The following RALGPS1 variants were observed in gnomAD, a reference collection of about 807,000 sequenced individuals.
RALGPS1 encodes ras-specific guanine nucleotide-releasing factor RalGPS1.
RALGPS1 carries 19 observed loss-of-function variants against 78.8 expected under a neutral mutation model. That is an observed-to-expected ratio of 0.24 (90% CI 0.17 to 0.35). The LOEUF is 0.35. Ranked by LOEUF, RALGPS1 falls within the 10% of genes least tolerant of loss-of-function variation. RALGPS1 has a pLI of 1.00. For synonymous variants in RALGPS1, 228 were observed against 256.3 expected (o/e 0.89, Z 1.06); for missense variants, 454 against 688.3 (o/e 0.66, Z 3.81).
At chr9:127,063,713 A>G (rs2049416508) in intron 7 of RALGPS1, among the ~76,000 whole-genome samples, 1 of 152,188 alleles carries the variant, frequency 6.6e-6, no homozygotes, top group African/African-American at 2.4e-5. Context: ...TTGTTTAATA[A>G]TAAATGAGTT....
At position 127,218,222 on chromosome 9, in the gene RALGPS1, C is replaced by T. The variant is rs1159769840; in HGVS notation, c.1645-518C>T. On this transcript the variant is annotated intron_variant, in intron 18 of 18. Transcript: ENST00000259351. The surrounding 1 kb of genome is among the most constrained non-coding windows in gnomAD (Gnocchi z 4.4). ...CCAGTAAAGGGGTCTAGGATCTTGT[C>T]CTGAGGGCAGAGCTGTGGGAAGGTC... Among the ~76,000 whole-genome samples, 1 of 152,144 alleles carries T rather than the reference C, an allele frequency of 6.6e-6. No individual in the cohort carries two copies. Among genetic ancestry groups the T allele is most frequent in the Admixed American group, 6.5e-5 (1 of 15,274 alleles).
intron 1 of RALGPS1, among the ~76,000 whole-genome samples, chr9:126,939,384 C>G (rs773381940): frequency 9.9e-5 from 15 of 152,208 alleles, no homozygotes; most frequent in Non-Finnish European, 1.8e-4. Context: ...GTGCTGGAAA[C>G]TGGGGATGAA....
intron 4 of RALGPS1, among the ~76,000 whole-genome samples, chr9:127,004,260 C>T (rs1248341769): frequency 6.6e-6 from 1 of 152,164 alleles, no homozygotes; most frequent in Non-Finnish European, 1.5e-5. Flanking sequence ...ATTCTCCTGC[C>T]TCAGCCTCCC....
At chr9:127,138,467 C>T (rs2057546041) in intron 8 of RALGPS1, among the ~76,000 whole-genome samples, 1 of 152,208 alleles carries the variant, frequency 6.6e-6, no homozygotes, top group Admixed American at 6.5e-5. Context: ...AAATGGGCTT[C>T]ACTAACCACA....
chr9:127,116,377 C>T (rs1361926677), intron 8 of RALGPS1, among the ~76,000 whole-genome samples: 1 of 152,110 alleles, frequency 6.6e-6, no homozygotes, highest in Non-Finnish European at 1.5e-5. Flanking sequence ...GGGACAAGGA[C>T]ACTGCTGTTA....
At chr9:127,188,957 A>C (rs1407912322) in intron 11 of RALGPS1, among the ~76,000 whole-genome samples, 3 of 136,936 alleles carry the variant, frequency 2.2e-5, no homozygotes, top group African/African-American at 8.2e-5. Flanking sequence ...CCAAGATGGC[A>C]CCACTGCACT....
At chr9:126,923,779 C>T (rs907176543) in intron 1 of RALGPS1, among the ~76,000 whole-genome samples, 4 of 152,228 alleles carry the variant, frequency 2.6e-5, no homozygotes, top group Non-Finnish European at 4.4e-5. Flanking sequence ...AAGCGATCCT[C>T]CTGCCTCAGC....
intron 1 of RALGPS1, among the ~76,000 whole-genome samples, chr9:126,939,553 C>T (rs2036566011): frequency 6.6e-6 from 1 of 152,212 alleles, no homozygotes; most frequent in African/African-American, 2.4e-5. Flanking sequence ...TTAGTTAATC[C>T]TTACCACAGC....
At chr9:127,095,010 T>C (rs2052947600) in intron 8 of RALGPS1, among the ~76,000 whole-genome samples, 2 of 152,316 alleles carry the variant, frequency 1.3e-5, no homozygotes, top group African/African-American at 2.4e-5. Flanking sequence ...GCCTTTCTCA[T>C]TGATCTGAGG....
intron 8 of RALGPS1, 112 bp downstream of exon 8, chr9:127,069,468 A>C: frequency 7.8e-7 from 1 of 1,280,376 alleles, no homozygotes; most frequent in South Asian, 1.4e-5. Flanking sequence ...GCCCGTAGAT[A>C]AAGAGGCAAT....
intron 1 of RALGPS1, among the ~76,000 whole-genome samples, chr9:126,923,048 C>T (rs901619041): frequency 3.3e-5 from 5 of 152,130 alleles, no homozygotes; most frequent in East Asian, 1.9e-4. Flanking sequence ...GCCTAGCATC[C>T]GGCCTGTAGT....
intron 4 of RALGPS1, among the ~76,000 whole-genome samples, chr9:126,979,618 G>A (rs1564353960): frequency 6.6e-6 from 1 of 152,228 alleles, no homozygotes; most frequent in Non-Finnish European, 1.5e-5. Context: ...TGGGATCCTT[G>A]CCAGGCTGCT....
At chr9:127,019,949 T>C (rs1275198832) in intron 4 of RALGPS1, among the ~76,000 whole-genome samples, 1 of 152,198 alleles carries the variant, frequency 6.6e-6, no homozygotes, top group Non-Finnish European at 1.5e-5. Context: ...CAGATGAATG[T>C]TACATTTTTC....
At chr9:127,055,944 A>C (rs2048707171) in intron 7 of RALGPS1, among the ~76,000 whole-genome samples, 1 of 152,206 alleles carries the variant, frequency 6.6e-6, no homozygotes, top group Non-Finnish European at 1.5e-5. Flanking sequence ...CAGCAGAAAG[A>C]GCAGTCAGAG....
chr9:127,177,069 C>T (rs564825311), intron 11 of RALGPS1, among the ~76,000 whole-genome samples: 75 of 152,336 alleles, frequency 4.9e-4, no homozygotes, highest in African/African-American at 1.7e-3. Flanking sequence ...TCATTATTCT[C>T]TGTCTGGTCA....
At position 127,063,616 on chromosome 9, in the gene RALGPS1, C is replaced by A. The variant is rs546647563; in HGVS notation, c.484-5614C>A. 2.0e-5 allele frequency among the ~76,000 whole-genome samples: 3 copies of A among 152,062 alleles called. No individual in the cohort carries two copies. In the East Asian group the frequency reaches 5.8e-4, roughly 29 times the overall value. The stretch of plus-strand genomic sequence containing the variant: ...GTTTGATGGTTTGTTTTTTAACATG[C>A]CAATTTTGTCATTGATTTCTTTCTC... On this transcript the variant is annotated intron_variant, in intron 7 of 18. Coordinates refer to ENST00000259351, the MANE Select transcript of RALGPS1 (RefSeq NM_014636.3).
intron 8 of RALGPS1, among the ~76,000 whole-genome samples, chr9:127,153,838 T>C (rs1226717701): frequency 6.6e-6 from 1 of 152,066 alleles, no homozygotes; most frequent in African/African-American, 2.4e-5. Flanking sequence ...TTGAGTAAAA[T>C]TGCTGCTGGA....
At chr9:127,134,814 C>A (rs1247935874) in intron 8 of RALGPS1, among the ~76,000 whole-genome samples, 4 of 152,304 alleles carry the variant, frequency 2.6e-5, no homozygotes, top group African/African-American at 9.6e-5. Context: ...CTGTTCAGAG[C>A]TTCTGAACAG....
intron 8 of RALGPS1, among the ~76,000 whole-genome samples, chr9:127,135,190 T>C (rs985060618): frequency 1.3e-5 from 2 of 152,166 alleles, no homozygotes; most frequent in African/African-American, 4.8e-5. Context: ...TTGGGTCACA[T>C]TGAACATAGA....
Sources: allele counts gnomAD v4.1 joint callset (sites outside exome capture counted in the v4.1 genomes callset), GRCh38; gene constraint gnomAD v4.1.1; non-coding constraint Gnocchi (gnomAD v3.1); transcripts MANE v1.5; gene names NCBI Gene and HGNC (gene_info 2026-07-23, HGNC 2026-07-21).